SNX13: variants seen among roughly 807,000 people sequenced by gnomAD.
SNX13 encodes the protein sorting nexin-13.
SNX13 carries 45 observed loss-of-function variants against 133.6 expected under a neutral mutation model. The observed-to-expected ratio is 0.34, with a 90% CI of 0.27 to 0.43. SNX13 has a LOEUF of 0.43. Among genes scored for constraint, SNX13 ranks in the 20% least tolerant of loss-of-function variants. SNX13 has a pLI of 1.00. For missense variants in SNX13, 1,032 were observed against 1,145.1 expected (o/e 0.90, Z 1.43); for synonymous variants, 414 against 373.9 (o/e 1.11, Z -1.24).
At chr7:17,872,248 T>A (rs1192532705) in intron 8 of SNX13, among the ~76,000 whole-genome samples, 13 of 151,924 alleles carry the variant, frequency 8.6e-5, no homozygotes, top group Admixed American at 8.5e-4. Context: ...AGTATAAACA[T>A]GACTAAAAAG....
chr7:17,900,667 T>C (rs929406271), intron 1 of SNX13, among the ~76,000 whole-genome samples: 7 of 150,340 alleles, frequency 4.7e-5, no homozygotes, highest in Non-Finnish European at 8.9e-5. Flanking sequence ...CTGTCAGCTG[T>C]GGTGAATGCT....
intron 1 of SNX13, among the ~76,000 whole-genome samples, chr7:17,906,460 T>G (rs745643987): frequency 1.3e-5 from 2 of 151,930 alleles, no homozygotes; most frequent in African/African-American, 2.4e-5. Flanking sequence ...AAAAAACCAT[T>G]TGATCAAAAT....
chr7:17,844,375 A>T (rs1035441161), intron 12 of SNX13, among the ~76,000 whole-genome samples: 8 of 152,094 alleles, frequency 5.3e-5, no homozygotes, highest in African/African-American at 1.9e-4. Context: ...AAATCTGAGG[A>T]GACTGATAAC....
intron 1 of SNX13, among the ~76,000 whole-genome samples, chr7:17,932,276 T>C (rs1261048147): frequency 1.3e-5 from 2 of 152,186 alleles, no homozygotes; most frequent in East Asian, 3.8e-4. Flanking sequence ...CTAATCAGAT[T>C]TTTCCCTGTA....
At chr7:17,814,291 G>A (rs1418960624) in intron 20 of SNX13, among the ~76,000 whole-genome samples, 1 of 152,144 alleles carries the variant, frequency 6.6e-6, no homozygotes, top group African/African-American at 2.4e-5. Context: ...GCAGGGATCT[G>A]AAACAAAAGA....
At chr7:17,893,310 T>C in intron 3 of SNX13, 22 bp downstream of exon 3, 9 of 1,491,916 alleles carry the variant, frequency 6.0e-6, no homozygotes, top group Non-Finnish European at 8.2e-6. Context: ...TTTGAGGTTT[T>C]ATATTCCCTC....
chr7:17,820,801 G>C (rs1787204954), intron 18 of SNX13, among the ~76,000 whole-genome samples: 1 of 152,048 alleles, frequency 6.6e-6, no homozygotes, highest in South Asian at 2.1e-4. Context: ...ATCCCTGAAT[G>C]AGTCAGACTT....
chr7:17,914,487 A>G (rs1053486873), intron 1 of SNX13, among the ~76,000 whole-genome samples: 2 of 152,206 alleles, frequency 1.3e-5, no homozygotes, highest in African/African-American at 4.8e-5. Context: ...GAAAAGAGCC[A>G]TATTACCTAT....
chr7:17,928,335 A>T (rs866877993), intron 1 of SNX13, among the ~76,000 whole-genome samples: 42 of 152,272 alleles, frequency 2.8e-4, no homozygotes, highest in Middle Eastern at 3.4e-3. Context: ...TCTCTAAAAA[A>T]ATATATATAT....
At chr7:17,795,813 C>G (rs1215479042) in intron 25 of SNX13, 2 of 151,650 alleles carry the variant, frequency 1.3e-5, no homozygotes, top group Admixed American at 1.3e-4. Context: ...AAATAATATC[C>G]TAAGCAATTG....
chr7:17,874,056 T>G (rs1443846533), intron 7 of SNX13, among the ~76,000 whole-genome samples: 2 of 152,202 alleles, frequency 1.3e-5, no homozygotes, highest in African/African-American at 4.8e-5. Context: ...GAGTATGCTC[T>G]TCTATTCTGC....
At chr7:17,874,031 A>G (rs1794412955) in intron 7 of SNX13, among the ~76,000 whole-genome samples, 1 of 152,190 alleles carries the variant, frequency 6.6e-6, no homozygotes, top group Non-Finnish European at 1.5e-5. Context: ...AGCAGGCTAT[A>G]ACAAAGGAAA....
intron 20 of SNX13, among the ~76,000 whole-genome samples, chr7:17,813,127 G>GA (rs908276385): frequency 2.6e-5 from 4 of 151,510 alleles, no homozygotes; most frequent in African/African-American, 7.3e-5. Flanking sequence ...AATAAAAAAT[G>GA]AAAAAAAAGT....
intron 2 of SNX13, 59 bp downstream of exon 2, chr7:17,897,275 G>T (rs1797309553): frequency 2.2e-6 from 2 of 913,090 alleles, no homozygotes; most frequent in Non-Finnish European, 1.5e-6. Context: ...TCAGTCATTT[G>T]TTTCCATTTT....
chr7:17,904,415 C>G (rs1257690215), intron 1 of SNX13, among the ~76,000 whole-genome samples: 2 of 152,178 alleles, frequency 1.3e-5, no homozygotes, highest in African/African-American at 4.8e-5. Context: ...CCTAGGTTAT[C>G]AGTGCTTAAT....
chr7:17,890,616 C>T, intron 4 of SNX13, 132 bp from the exon 5 acceptor site: 1 of 509,688 alleles, frequency 2.0e-6, no homozygotes, highest in Non-Finnish European at 3.2e-6. Flanking sequence ...GTGGTAAATA[C>T]CTGCCCTCAT....
At position 17,826,078 on chromosome 7, in the gene SNX13, A is replaced by T; in HGVS notation, c.1649T>A (p.Leu550His). The T allele has an allele frequency of 6.4e-7, 1 of 1,555,370 alleles. No homozygotes were observed. The highest frequency in any genetic ancestry group is 8.7e-7 in the Non-Finnish European group (1 of 1,148,952). ...TGSINLSLDD[L>H]SNVSSDDSVQ... Reference sequence around the variant, plus strand: ...TGAGTCATCAGAAGAAACATTTGAAAGGTCATCTAAAGACTGAGAAAAAAA... The same window carrying T: ...TGAGTCATCAGAAGAAACATTTGAATGGTCATCTAAAGACTGAGAAAAAAA... The change falls in exon 17 of 26, where the codon CTT (leucine) becomes CAT (histidine). Residue 550 changes from leucine to histidine, a missense_variant. Transcript: ENST00000428135.
intron 1 of SNX13, among the ~76,000 whole-genome samples, chr7:17,939,478 T>A (rs534065727): frequency 6.6e-6 from 1 of 152,372 alleles, no homozygotes; most frequent in African/African-American, 2.4e-5. Flanking sequence ...CCGATTTAGT[T>A]CTTCCCCTTA....
chr7:17,845,043 G>C (rs1057329077), intron 12 of SNX13, among the ~76,000 whole-genome samples: 2 of 152,134 alleles, frequency 1.3e-5, no homozygotes, highest in Non-Finnish European at 2.9e-5. Context: ...AAAGATGCCT[G>C]TGTTTGCCAC....
Sources: gnomAD v4.1 joint callset for allele counts (sites outside exome capture counted in the v4.1 genomes callset) on GRCh38, gnomAD v4.1.1 for gene constraint, MANE v1.5 for transcripts, NCBI Gene and HGNC (gene_info 2026-07-23, HGNC 2026-07-21) for gene names.